SGCD: variants seen among roughly 807,000 people sequenced by gnomAD.
SGCD encodes the protein sarcoglycan delta, also known as delta-sarcoglycan.
SGCD carries 18 observed loss-of-function variants against 36.6 expected under a neutral mutation model. The ratio of observed to expected loss-of-function variants is 0.49; its 90% CI spans 0.34 to 0.73. The LOEUF (loss-of-function observed/expected upper bound fraction) is 0.73, where lower values mean the gene tolerates loss of function less well. SGCD is among the 30% of genes least tolerant of loss of function. SGCD has a pLI of 0.01. For synonymous variants in SGCD, 133 were observed against 130.6 expected (o/e 1.02, Z -0.12); for missense variants, 387 against 346.7 (o/e 1.12, Z -0.92).
intron 3 of SGCD, among the ~76,000 whole-genome samples, chr5:156,463,404 G>A (rs1475117711): frequency 2.6e-5 from 4 of 152,220 alleles, no homozygotes; most frequent in African/African-American, 7.2e-5. Context: ...GAGAGCAGAC[G>A]TATAGTCTTG....
At chr5:156,266,869 C>A (rs2127667672) in intron 3 of SGCD, among the ~76,000 whole-genome samples, 1 of 151,446 alleles carries the variant, frequency 6.6e-6, no homozygotes, top group South Asian at 2.1e-4. Context: ...TTACACTCAT[C>A]TTGGCAATGA....
chr5:155,729,607 A>G, the SGCD span, among the ~76,000 whole-genome samples: 1 of 152,198 alleles, frequency 6.6e-6, no homozygotes, highest in East Asian at 1.9e-4. Context: ...GTGTCCAGAC[A>G]GAGTCCAACA....
intron 7 of SGCD, among the ~76,000 whole-genome samples, chr5:156,671,041 A>C (rs967847126): frequency 3.3e-5 from 5 of 151,852 alleles, no homozygotes; most frequent in Admixed American, 6.6e-5. Flanking sequence ...GTCATATTTT[A>C]ATTTCCAATG....
the SGCD span, among the ~76,000 whole-genome samples, chr5:155,759,090 C>T: frequency 6.6e-6 from 1 of 152,140 alleles, no homozygotes; most frequent in Non-Finnish European, 1.5e-5. Context: ...GATCCTCCTG[C>T]CTTGGCCTCC....
intron 3 of SGCD, among the ~76,000 whole-genome samples, chr5:156,355,956 G>A (rs2127726251): frequency 6.6e-6 from 1 of 152,260 alleles, no homozygotes; most frequent in Admixed American, 6.5e-5. Flanking sequence ...TGAGAAAGAT[G>A]GACATCTTTT....
At chr5:156,131,362 G>C (rs939683803) in intron 3 of SGCD, among the ~76,000 whole-genome samples, 4 of 152,172 alleles carry the variant, frequency 2.6e-5, no homozygotes, top group Non-Finnish European at 5.9e-5. Flanking sequence ...TTCATTCATA[G>C]GATGGGGATG....
chr5:156,723,661 C>T (rs150619866), intron 7 of SGCD, among the ~76,000 whole-genome samples: 18 of 152,268 alleles, frequency 1.2e-4, no homozygotes, highest in Admixed American at 2.6e-4. Context: ...GCTTGACTTG[C>T]GCTCTTGAGG....
At chr5:156,294,431 T>C (rs902051885) in intron 3 of SGCD, among the ~76,000 whole-genome samples, 2 of 152,038 alleles carry the variant, frequency 1.3e-5, no homozygotes, top group African/African-American at 2.4e-5. Flanking sequence ...CAAGTCTCTA[T>C]AAAAAGTAAA....
At chr5:155,973,743 T>C (rs1193663053) in intron 1 of SGCD, among the ~76,000 whole-genome samples, 1 of 152,212 alleles carries the variant, frequency 6.6e-6, no homozygotes, top group Non-Finnish European at 1.5e-5. Flanking sequence ...AGTTAATAAT[T>C]AAATGAGAAG....
the SGCD span, among the ~76,000 whole-genome samples, chr5:155,780,244 T>A: frequency 4.3e-4 from 65 of 152,278 alleles, no homozygotes; most frequent in African/African-American, 1.4e-3. Context: ...GGCCACTTTT[T>A]AAAAAGACAC....
At chr5:155,792,418 A>G in the SGCD span, among the ~76,000 whole-genome samples, 1 of 144,076 alleles carries the variant, frequency 6.9e-6, no homozygotes, top group Admixed American at 7.3e-5. Flanking sequence ...ATTAAACTAA[A>G]GAGTTTCTAC....
intron 7 of SGCD, among the ~76,000 whole-genome samples, chr5:156,715,091 C>T (rs115933715): frequency 2.4e-3 from 361 of 152,260 alleles, no homozygotes; most frequent in African/African-American, 8.3e-3. Context: ...TCCAGAGTAG[C>T]GAAGCTTCAG....
chr5:156,620,106 TG>T (rs1440218968), intron 6 of SGCD, among the ~76,000 whole-genome samples: 1 of 152,200 alleles, frequency 6.6e-6, no homozygotes, highest in African/African-American at 2.4e-5. Context: ...ACAAACTGCC[TG>T]GGTTGAACTC....
intron 1 of SGCD, among the ~76,000 whole-genome samples, chr5:155,954,947 G>C (rs889989320): frequency 2.6e-5 from 4 of 152,104 alleles, no homozygotes; most frequent in Admixed American, 6.6e-5. Flanking sequence ...AAGCAGACAG[G>C]CTCGAGACCC....
At chr5:156,719,482 A>T (rs2113775446) in intron 7 of SGCD, among the ~76,000 whole-genome samples, 1 of 152,300 alleles carries the variant, frequency 6.6e-6, no homozygotes, top group East Asian at 1.9e-4. Context: ...GTTTACACAT[A>T]TAATTAACCA....
At chr5:156,255,011 G>C (rs560060879) in intron 3 of SGCD, among the ~76,000 whole-genome samples, 2 of 152,098 alleles carry the variant, frequency 1.3e-5, no homozygotes, top group Non-Finnish European at 2.9e-5. Context: ...CTAGGTGTAA[G>C]TACTTAATAC....
intron 1 of SGCD, among the ~76,000 whole-genome samples, chr5:155,969,924 T>C (rs1281825453): frequency 6.6e-6 from 1 of 152,122 alleles, no homozygotes; most frequent in East Asian, 1.9e-4. Context: ...TCTAAAACTC[T>C]TTGCTTTTTT....
chr5:156,559,989 T>C (rs1480501178), intron 4 of SGCD, among the ~76,000 whole-genome samples: 1 of 152,168 alleles, frequency 6.6e-6, no homozygotes, highest in Non-Finnish European at 1.5e-5. Context: ...AAAAGGACAA[T>C]GTCTGAAGTT....
intron 4 of SGCD, among the ~76,000 whole-genome samples, chr5:156,570,926 C>A (rs902501353): frequency 2.0e-5 from 3 of 152,092 alleles, no homozygotes; most frequent in African/African-American, 7.2e-5. Flanking sequence ...CTTTAAATAT[C>A]TCTTTTATAA....
Sources: allele counts gnomAD v4.1 joint callset (sites outside exome capture counted in the v4.1 genomes callset), GRCh38; gene constraint gnomAD v4.1.1; transcripts MANE v1.5; gene names NCBI Gene and HGNC (gene_info 2026-07-23, HGNC 2026-07-21).